Variants in ST6GALNAC3 observed in about 807,000 individuals in gnomAD.
ST6GALNAC3 encodes the protein alpha-N-acetylgalactosaminide alpha-2,6-sialyltransferase 3.
Under a neutral mutation model 32.7 loss-of-function variants are expected in ST6GALNAC3, and 25 were observed. That is an observed-to-expected ratio of 0.76 (90% CI 0.56 to 1.07). The LOEUF (loss-of-function observed/expected upper bound fraction) is 1.07, where lower values mean the gene tolerates loss of function less well. ST6GALNAC3 is among the 50% of genes least tolerant of loss of function. ST6GALNAC3 has a pLI of 0.00. For synonymous variants in ST6GALNAC3, 129 were observed against 133.1 expected (o/e 0.97, Z 0.21); for missense variants, 355 against 382.4 (o/e 0.93, Z 0.60).
At chr1:76,628,120 T>A (rs1570486031) in intron 4 of ST6GALNAC3, among the ~76,000 whole-genome samples, 1 of 151,992 alleles carries the variant, frequency 6.6e-6, no homozygotes, top group African/African-American at 2.4e-5. Flanking sequence ...AAACCCTCCA[T>A]GCTTCATCAG....
intron 2 of ST6GALNAC3, among the ~76,000 whole-genome samples, chr1:76,333,363 C>A (rs1647239188): frequency 1.3e-5 from 2 of 152,172 alleles, no homozygotes; most frequent in African/African-American, 4.8e-5. Flanking sequence ...AATGTGCTAT[C>A]TTTTCAACTA....
intron 3 of ST6GALNAC3, among the ~76,000 whole-genome samples, chr1:76,418,157 A>G (rs1028419273): frequency 6.6e-6 from 1 of 152,132 alleles, no homozygotes; most frequent in African/African-American, 2.4e-5. Flanking sequence ...AGGGCAGCCC[A>G]GGTTTTGCTA....
intron 1 of ST6GALNAC3, among the ~76,000 whole-genome samples, chr1:76,284,422 A>G (rs1425762254): frequency 2.6e-5 from 4 of 152,344 alleles, no homozygotes; most frequent in East Asian, 3.9e-4. Flanking sequence ...ATAGGCAAGT[A>G]TGAATGAACA....
At chr1:76,272,789 A>G (rs1658926050) in intron 1 of ST6GALNAC3, among the ~76,000 whole-genome samples, 1 of 152,210 alleles carries the variant, frequency 6.6e-6, no homozygotes, top group Admixed American at 6.5e-5. Context: ...ATTGTGAGCA[A>G]TGAAAGAATA....
Position 76,348,891 on chromosome 1 carries a change from C to A in ST6GALNAC3, c.213+34892C>A, listed in dbSNP as rs77038022. Among the ~76,000 whole-genome samples, 467 of 152,286 alleles carry A rather than the reference C, an allele frequency of 3.1e-3. 3 individuals are homozygous for A. The highest frequency in any genetic ancestry group is 0.01 in the African/African-American group (430 of 41,548). ...TTTGACTAAGTGAGAGAACATACTT[C>A]ATGCACGTAGCAGAGTGCCTGGCTC... On this transcript the variant is annotated intron_variant, in intron 2 of 4. Transcript: ENST00000328299.
intron 1 of ST6GALNAC3, among the ~76,000 whole-genome samples, chr1:76,207,555 G>T (rs1412036558): frequency 6.6e-6 from 1 of 152,196 alleles, no homozygotes; most frequent in Non-Finnish European, 1.5e-5. Context: ...AAGACAGAAG[G>T]CATCACGTGG....
At chr1:76,108,827 T>TA (rs1647717171) in intron 1 of ST6GALNAC3, among the ~76,000 whole-genome samples, 1 of 152,004 alleles carries the variant, frequency 6.6e-6, no homozygotes, top group African/African-American at 2.4e-5. Context: ...AAAATGGTAA[T>TA]ACCAGTGCAA....
At chr1:76,530,502 C>G (rs1173332984) in intron 3 of ST6GALNAC3, among the ~76,000 whole-genome samples, 2 of 152,152 alleles carry the variant, frequency 1.3e-5, no homozygotes, top group South Asian at 4.1e-4. Context: ...TGAAGCCGAA[C>G]AGAGCTGAGC....
Position 76,629,316 on chromosome 1 carries a change from G to A in ST6GALNAC3, c.*510G>A. The stretch of plus-strand genomic sequence containing the variant: ...ATCTTACTACTTAGCCTAAGGATGG[G>A]AAAATATCTCTTCCTAATATACCAT... On this transcript the variant is annotated 3_prime_UTR_variant, in exon 5 of 5. Coordinates refer to ENST00000328299, the MANE Select transcript of ST6GALNAC3 (RefSeq NM_152996.4). The A allele has an allele frequency of 3.0e-6, 3 of 985,886 alleles. No individual in the cohort carries two copies. Among genetic ancestry groups the A allele is most frequent in the Non-Finnish European group, 3.6e-6 (3 of 830,330 alleles). 61.1% of individuals were successfully genotyped at this position (985,886 alleles called of 1,614,324 possible). A position where few individuals can be genotyped will look rare whatever the true frequency, so the allele number is the denominator to read the frequency against.
chr1:76,472,457 G>A (rs1659092073), intron 3 of ST6GALNAC3, among the ~76,000 whole-genome samples: 1 of 152,090 alleles, frequency 6.6e-6, no homozygotes, highest in East Asian at 1.9e-4. Flanking sequence ...GGGAAGTGGT[G>A]AAGGCAGAAG....
At chr1:76,287,807 T>A (rs1359155653) in intron 1 of ST6GALNAC3, among the ~76,000 whole-genome samples, 1 of 152,210 alleles carries the variant, frequency 6.6e-6, no homozygotes, top group Admixed American at 6.5e-5. Flanking sequence ...TATATGCACC[T>A]TTGCAAACAA....
intron 1 of ST6GALNAC3, among the ~76,000 whole-genome samples, chr1:76,163,007 G>T (rs188739914): frequency 3.1e-4 from 47 of 152,320 alleles, no homozygotes; most frequent in Middle Eastern, 3.4e-3. Flanking sequence ...TCCTGCGTGG[G>T]TCTTGTAGGT....
chr1:76,299,875 G>A (rs1251888925), intron 1 of ST6GALNAC3, among the ~76,000 whole-genome samples: 5 of 152,090 alleles, frequency 3.3e-5, no homozygotes, highest in South Asian at 2.1e-4. Flanking sequence ...TAAGAAATAT[G>A]CATAGCATAA....
intron 1 of ST6GALNAC3, among the ~76,000 whole-genome samples, chr1:76,099,159 TA>T (rs1312489682): frequency 6.6e-6 from 1 of 152,164 alleles, no homozygotes; most frequent in Non-Finnish European, 1.5e-5. Context: ...TGTAGTTTTT[TA>T]TGATAAGTTT....
intron 1 of ST6GALNAC3, among the ~76,000 whole-genome samples, chr1:76,102,890 T>A (rs1189531275): frequency 6.6e-6 from 1 of 152,146 alleles, no homozygotes; most frequent in Non-Finnish European, 1.5e-5. Flanking sequence ...TTATTGTAGG[T>A]CTGTTGGTAA....
intron 3 of ST6GALNAC3, among the ~76,000 whole-genome samples, chr1:76,549,093 GTATT>G (rs1664467210): frequency 6.6e-6 from 1 of 152,124 alleles, no homozygotes; most frequent in South Asian, 2.1e-4. Flanking sequence ...TACATCCTTT[GTATT>G]TATTATACCA....
intron 2 of ST6GALNAC3, among the ~76,000 whole-genome samples, chr1:76,351,249 G>A (rs1402747354): frequency 6.6e-6 from 1 of 152,086 alleles, no homozygotes; most frequent in African/African-American, 2.4e-5. Flanking sequence ...AAATTATGTA[G>A]CATAGTCATT....
intron 1 of ST6GALNAC3, among the ~76,000 whole-genome samples, chr1:76,301,069 T>G (rs6702923): frequency 0.037 from 5,647 of 152,140 alleles, 339 homozygotes; most frequent in African/African-American, 0.13. Flanking sequence ...TTCTGTGTTA[T>G]CTAAGTATTT....
chr1:76,543,287 T>C (rs1045421549), intron 3 of ST6GALNAC3, among the ~76,000 whole-genome samples: 1 of 152,158 alleles, frequency 6.6e-6, no homozygotes, highest in Admixed American at 6.5e-5. Flanking sequence ...CTGGAACATC[T>C]GGATCTCAAT....
Sources: allele counts gnomAD v4.1 joint callset (sites outside exome capture counted in the v4.1 genomes callset), GRCh38; gene constraint gnomAD v4.1.1; transcripts MANE v1.5; gene names NCBI Gene and HGNC (gene_info 2026-07-23, HGNC 2026-07-21).